The following BAZ2A variants were observed in gnomAD, a reference collection of about 807,000 sequenced individuals.
The protein encoded by BAZ2A is bromodomain adjacent to zinc finger domain 2A.
Under a neutral mutation model 199.9 loss-of-function variants are expected in BAZ2A, and 34 were observed. The observed-to-expected ratio is 0.17, with a 90% CI of 0.13 to 0.23. The LOEUF is 0.23. BAZ2A is among the 10% of genes least tolerant of loss of function. The pLI is 1.00. For synonymous variants in BAZ2A, 857 were observed against 883.9 expected, an observed-to-expected ratio of 0.97 and a Z score of 0.54; for missense variants, 2,002 against 2,391.1, an observed-to-expected ratio of 0.84 and a Z score of 3.39.
In BAZ2A at chr12:56,615,551, AAGT is replaced by A; in HGVS notation, c.190_192del (p.Thr64del). 1 of 1,612,988 alleles carries A rather than the reference AAGT, an allele frequency of 6.2e-7. No individual in the cohort carries two copies. The highest frequency in any genetic ancestry group is 8.5e-7 in the Non-Finnish European group (1 of 1,179,724). ...TGGGGAGCAGAGTTCAAAATCCCTG[AAGT>A]AGTAGTGTGAGATACAGTAGATAAG... On this transcript the variant is annotated inframe_deletion, in exon 3 of 29. Transcript: ENST00000549884.
chr12:56,615,630 G>T (rs766232350), intron 2 of BAZ2A, 23 bp from the exon 3 acceptor site: 1 of 1,529,056 alleles, frequency 6.5e-7, no homozygotes, highest in Admixed American at 2.0e-5. Flanking sequence ...GAAAGAAAAG[G>T]TCAGTTACAG....
At chr12:56,610,360 G>T in intron 8 of BAZ2A, 49 bp downstream of exon 8, 1 of 1,585,714 alleles carries the variant, frequency 6.3e-7, no homozygotes, top group South Asian at 1.1e-5. Flanking sequence ...GCAGTGGAAA[G>T]GAGTCCACTG....
At position 56,598,681 on chromosome 12, in the gene BAZ2A, G is replaced by C; in HGVS notation, c.5649C>G (p.Ile1883Met). The C allele has an allele frequency of 6.2e-7, 1 of 1,613,846 alleles. No individual in the cohort carries two copies. Among genetic ancestry groups the C allele is most frequent in the Admixed American group, 1.7e-5 (1 of 59,998 alleles). Residue 1883 changes from isoleucine to methionine, a missense_variant, in exon 29 of 29, where the codon ATC becomes ATG. Coordinates refer to ENST00000549884, the MANE Select transcript of BAZ2A (RefSeq NM_001300905.2). ...DDSEVGKAGHIMRRFFESRWE... is the reference protein window; with the variant it reads ...DDSEVGKAGHMMRRFFESRWE... ...AGCGGCTCTCGAAGAAGCGGCGCAT[G>C]ATGTGCCCAGCCTTGCCTACTTCAG...
chr12:56,625,705 G>A (rs1592621413), intron 1 of BAZ2A, among the ~76,000 whole-genome samples: 1 of 151,252 alleles, frequency 6.6e-6, no homozygotes, highest in South Asian at 2.1e-4. Flanking sequence ...GTGAAACCCC[G>A]TCTCTACTAA....
chr12:56,610,830 T>C (rs1950537398), intron 7 of BAZ2A, among the ~76,000 whole-genome samples: 1 of 152,150 alleles, frequency 6.6e-6, no homozygotes, highest in Admixed American at 6.5e-5. Flanking sequence ...GGGCAGTTAC[T>C]GGATTTCCAG....
chr12:56,598,825 GC>G lies in BAZ2A; in HGVS notation c.5546+42del, dbSNP rs754063757. 5.7e-5 allele frequency: 92 copies of G among 1,609,166 alleles called. 1 individual carries two copies. The African/African-American group carries it at 9.9e-4, about 17-fold the overall frequency. ...CAAAACTGTGAGCTGGGTAGGAGTT[GC>G]AGCAGTAGCAAAGACCGGGCGGTTC... On this transcript the variant is annotated intron_variant, in intron 28 of 28. Transcript: ENST00000549884.
chr12:56,621,885 TCGC>T (rs1950930852), intron 1 of BAZ2A, among the ~76,000 whole-genome samples: 1 of 152,018 alleles, frequency 6.6e-6, no homozygotes, highest in Non-Finnish European at 1.5e-5. Context: ...ACACAGGGTC[TCGC>T]TATGTTGCCC....
At chr12:56,606,756 GA>G (rs1483879424) in intron 10 of BAZ2A, 23 bp from the exon 11 acceptor site, 1 of 1,599,126 alleles carries the variant, frequency 6.3e-7, no homozygotes, top group Non-Finnish European at 8.6e-7. Context: ...AAAGAAAAAT[GA>G]AACAAGTGAG....
Position 56,598,659 on chromosome 12 carries a change from G to A in BAZ2A, c.5671C>T (p.Arg1891Cys), listed in dbSNP as rs1886078687. The change falls in exon 29 of 29, where the codon CGC becomes TGC. Residue 1891 changes from arginine to cysteine, a missense_variant. Arg to Cys is a radical substitution (Grantham distance 180). Transcript: ENST00000549884. ...GHIMRRFFES[R>C]WEEFYQGKQA... ...TTTCCCTGATAAAACTCCTCCCAGC[G>A]GCTCTCGAAGAAGCGGCGCATGATG... is the stretch of plus-strand genomic sequence containing the variant. 2.5e-6 allele frequency: 4 copies of A among 1,613,774 alleles called. No homozygotes were observed. The highest frequency in any genetic ancestry group is 2.5e-6 in the Non-Finnish European group (3 of 1,179,838).
At position 56,612,072 on chromosome 12, in the gene BAZ2A, A is replaced by G; in HGVS notation, c.1310T>C (p.Leu437Pro). 6.2e-7 allele frequency: 1 copy of G among 1,613,626 alleles called. No individual in the cohort carries two copies. Among genetic ancestry groups the G allele is most frequent in the Non-Finnish European group, 8.5e-7 (1 of 1,179,814 alleles). Residue 437 changes from leucine to proline, a missense_variant, in exon 6 of 29, where the codon CTA becomes CCA. Coordinates refer to ENST00000549884, the MANE Select transcript of BAZ2A (RefSeq NM_001300905.2). ...VSPTTSPAVS[L>P]VVSPAASPEI... ...TGGGGAGGCTGCTGGAGAAACCACT[A>G]GGGAGACTGCTGGGGAGGTTGTTGG...
rs763086668 is a variant in BAZ2A, at chr12:56,605,860, C to G, written c.2463G>C (p.Pro821=). ...GGTCAGTCAGACACATATCCTCTGTCGGCTTCTTCATTTCCTCCAAGATCA... is the reference window on the plus strand; with the variant it reads ...GGTCAGTCAGACACATATCCTCTGTGGGCTTCTTCATTTCCTCCAAGATCA... ...QQMILEEMKK[P]TEDMCLTDHQ... is the part of the protein sequence containing the mutation. Residue 821 remains proline (P), a synonymous_variant, in exon 13 of 29, where the codon CCG becomes CCC. Transcript: ENST00000549884. 1 of 1,607,394 alleles carries G rather than the reference C, an allele frequency of 6.2e-7. No homozygotes were observed. The highest frequency in any genetic ancestry group is 1.1e-5 in the South Asian group (1 of 89,624).
At chr12:56,626,451 A>G (rs992870241) in intron 1 of BAZ2A, among the ~76,000 whole-genome samples, 6 of 152,184 alleles carry the variant, frequency 3.9e-5, no homozygotes, top group African/African-American at 1.4e-4. Flanking sequence ...TAACCCTAAC[A>G]AGCTTTGCTT....
intron 15 of BAZ2A, 51 bp from the exon 16 acceptor site, chr12:56,604,342 G>A: frequency 2.0e-6 from 3 of 1,533,116 alleles, no homozygotes; most frequent in South Asian, 1.2e-5. Context: ...AAAAGGGAAA[G>A]GAGGCTCAAG....
intron 10 of BAZ2A, among the ~76,000 whole-genome samples, chr12:56,607,474 C>T (rs972215083): frequency 5.3e-5 from 8 of 152,254 alleles, no homozygotes; most frequent in South Asian, 4.2e-4. Context: ...CAGGTTCAAG[C>T]GATTCTCCTG....
rs777012106 is a variant in BAZ2A, at chr12:56,602,877, G to A, written c.3280-20C>T. On this transcript the variant is annotated intron_variant, in intron 18 of 28. Coordinates refer to ENST00000549884, the MANE Select transcript of BAZ2A (RefSeq NM_001300905.2). ...CTGACGCTGGGTAGACAATGAAAAT[G>A]AAGATGAATAAACACATTTCCAGAG... The A allele has an allele frequency of 1.8e-5, 28 of 1,599,026 alleles. No homozygotes were observed. Among genetic ancestry groups the A allele is most frequent in the Non-Finnish European group, 2.3e-5 (27 of 1,170,826 alleles).
chr12:56,602,924 G>A lies in BAZ2A; in HGVS notation c.3280-67C>T. 2.7e-6 allele frequency: 4 copies of A among 1,499,578 alleles called. No individual in the cohort carries two copies. The East Asian group carries it at 7.3e-5, about 27-fold the overall frequency. 92.9% of individuals were successfully genotyped at this position (1,499,578 alleles called of 1,614,324 possible). ...AGAGTGACAGTGGTGAATTCATCCA[G>A]TATATCAGAGAAAGGCAATGGCTCT... is the stretch of plus-strand genomic sequence containing the variant. On this transcript the variant is annotated intron_variant, in intron 18 of 28. Coordinates refer to ENST00000549884, the MANE Select transcript of BAZ2A (RefSeq NM_001300905.2).
chr12:56,598,421 TTGAGGAGCA>T lies in BAZ2A; in HGVS notation c.*188_*196del. 1 of 659,558 alleles carries T rather than the reference TTGAGGAGCA, an allele frequency of 1.5e-6. No individual in the cohort carries two copies. Among genetic ancestry groups the T allele is most frequent in the South Asian group, 2.0e-5 (1 of 49,016 alleles). The allele number at this position is 659,558 out of a possible 1,614,324, so 40.9% of individuals were successfully genotyped here. A position where few individuals can be genotyped will look rare whatever the true frequency, so the allele number is the denominator to read the frequency against. The stretch of plus-strand genomic sequence containing the variant: ...AGGACCTCATCTCTGCACCTCTTAC[TTGAGGAGCA>T]AGAGGAGGGAAGGGAGAAAGGGATG... On this transcript the variant is annotated 3_prime_UTR_variant, in exon 29 of 29. Coordinates refer to ENST00000549884, the MANE Select transcript of BAZ2A (RefSeq NM_001300905.2).
chr12:56,605,070 C>A lies in BAZ2A; in HGVS notation c.2748+3G>T. 1 of 1,598,176 alleles carries A rather than the reference C, an allele frequency of 6.3e-7. No individual in the cohort carries two copies. The highest frequency in any genetic ancestry group is 8.6e-7 in the Non-Finnish European group (1 of 1,169,354). On this transcript the variant is annotated splice_donor_region_variant and intron_variant, in intron 14 of 28. Transcript: ENST00000549884. ...GGTTACTTTGGGAGGGACTTGCACT[C>A]ACCTGACAGTAGGAGGGAAAGCCAG... is the stretch of plus-strand genomic sequence containing the variant.
In BAZ2A at chr12:56,598,421, T is replaced by C. The variant is rs1295625226; in HGVS notation, c.*197A>G. On this transcript the variant is annotated 3_prime_UTR_variant, in exon 29 of 29. Transcript: ENST00000549884. ...AGGACCTCATCTCTGCACCTCTTAC[T>C]TGAGGAGCAAGAGGAGGGAAGGGAG... 9.1e-6 allele frequency: 6 copies of C among 659,440 alleles called. No homozygotes were observed. Among genetic ancestry groups the C allele is most frequent in the Non-Finnish European group, 1.5e-5 (6 of 396,418 alleles). The allele number at this position is 659,440 out of a possible 1,614,324, so 40.8% of individuals were successfully genotyped here.
Sources: allele counts gnomAD v4.1 joint callset (sites outside exome capture counted in the v4.1 genomes callset), GRCh38; gene constraint gnomAD v4.1.1; transcripts MANE v1.5; gene names NCBI Gene and HGNC (gene_info 2026-07-23, HGNC 2026-07-21).